The following GALNT2 variants were observed in gnomAD, a reference collection of about 807,000 sequenced individuals.
GALNT2 encodes polypeptide N-acetylgalactosaminyltransferase 2, also known as UDP-GalNAc:polypeptide N-acetylgalactosaminyltransferase 2.
In GALNT2, 31 loss-of-function variants were observed where a neutral mutation model predicts 81.4. The observed-to-expected ratio is 0.38, with a 90% confidence interval of 0.29 to 0.51. The LOEUF is 0.51. Among genes scored for constraint, GALNT2 ranks in the 20% least tolerant of loss-of-function variants. The pLI is 0.87. For synonymous variants in GALNT2, 303 were observed against 287.4 expected, an observed-to-expected ratio of 1.05 and a Z score of -0.55; for missense variants, 629 against 765.7, an observed-to-expected ratio of 0.82 and a Z score of 2.11.
intron 3 of GALNT2, among the ~76,000 whole-genome samples, chr1:230,215,279 C>T (rs770342210): frequency 6.6e-5 from 10 of 152,228 alleles, no homozygotes; most frequent in Non-Finnish European, 1.0e-4. Context: ...CTTGGCTCTG[C>T]ACCTACAAGA....
chr1:230,128,010 TGAA>T (rs1661246209), intron 1 of GALNT2, among the ~76,000 whole-genome samples: 1 of 76,212 alleles, frequency 1.3e-5, no homozygotes, highest in Non-Finnish European at 2.8e-5. Flanking sequence ...AGGCACAGAC[TGAA>T]TGGGATGATT....
intron 2 of GALNT2, among the ~76,000 whole-genome samples, chr1:230,192,724 C>T (rs1420010261): frequency 6.6e-6 from 1 of 152,134 alleles, no homozygotes; most frequent in African/African-American, 2.4e-5. Context: ...AAAACTATTT[C>T]CTCTATAACA....
chr1:230,144,175 C>T (rs1352647394), intron 1 of GALNT2, among the ~76,000 whole-genome samples: 1 of 152,136 alleles, frequency 6.6e-6, no homozygotes, highest in Non-Finnish European at 1.5e-5. Flanking sequence ...CCTTCTGGGC[C>T]ACATGTCAAA....
In GALNT2 at chr1:230,262,636, G is replaced by A. The variant is rs781173742; in HGVS notation, c.1200G>A (p.Val400=). ...ACAAAAATTTCTATTATGCAGCAGT[G>A]CCTTCTGCTAGAAACGTTCCTTATG... ...DEYKNFYYAA[V]PSARNVPYGN... Residue 400 remains valine (V), a synonymous_variant, in exon 12 of 16, where the codon GTG becomes GTA. Transcript: ENST00000366672. The A allele has an allele frequency of 1.2e-6, 2 of 1,613,718 alleles. No homozygotes were observed. The highest frequency in any genetic ancestry group is 1.7e-5 in the Admixed American group (1 of 60,006).
At chr1:230,133,455 T>C (rs1661433821) in intron 1 of GALNT2, among the ~76,000 whole-genome samples, 1 of 151,406 alleles carries the variant, frequency 6.6e-6, no homozygotes. Context: ...TTTTCTTTTT[T>C]TTTTTTTTTG....
intron 3 of GALNT2, among the ~76,000 whole-genome samples, chr1:230,232,762 A>C (rs1420606484): frequency 6.6e-6 from 1 of 152,188 alleles, no homozygotes; most frequent in African/African-American, 2.4e-5. Context: ...TTAATCTAAC[A>C]ATCTGCTAAT....
At chr1:230,132,271 A>G (rs935045984) in intron 1 of GALNT2, among the ~76,000 whole-genome samples, 5 of 152,150 alleles carry the variant, frequency 3.3e-5, no homozygotes, top group Admixed American at 2.0e-4. Flanking sequence ...CTGCCCCGAA[A>G]TAGATAGGGG....
intron 1 of GALNT2, among the ~76,000 whole-genome samples, chr1:230,155,166 C>T (rs1662209420): frequency 6.6e-6 from 1 of 152,154 alleles, no homozygotes; most frequent in Non-Finnish European, 1.5e-5. Flanking sequence ...CTCGGTTTCC[C>T]TTCTGTGTGA....
chr1:230,254,382 A>G (rs972292551), intron 10 of GALNT2, among the ~76,000 whole-genome samples: 1 of 152,310 alleles, frequency 6.6e-6, no homozygotes, highest in East Asian at 1.9e-4. Context: ...TGTTGAAGCA[A>G]GTCAACAGCA....
At chr1:230,249,375 C>A (rs1665474063) in intron 9 of GALNT2, 104 bp downstream of exon 9, 1 of 889,582 alleles carries the variant, frequency 1.1e-6, no homozygotes. Flanking sequence ...GGCTGTTCAC[C>A]TTCTGCCCTC....
At chr1:230,183,153 CTA>C (rs1445352024) in intron 2 of GALNT2, among the ~76,000 whole-genome samples, 4 of 152,236 alleles carry the variant, frequency 2.6e-5, no homozygotes, top group South Asian at 2.1e-4. Context: ...TACTTTTAAT[CTA>C]TGTGTGTTGT....
intron 1 of GALNT2, among the ~76,000 whole-genome samples, chr1:230,139,283 C>G (rs1383847759): frequency 2.6e-5 from 4 of 152,212 alleles, no homozygotes; most frequent in Non-Finnish European, 5.9e-5. Flanking sequence ...CTTGCTAAAT[C>G]TGAAGAATCC....
At chr1:230,170,572 G>A (rs1025223747) in intron 1 of GALNT2, among the ~76,000 whole-genome samples, 3 of 152,156 alleles carry the variant, frequency 2.0e-5, no homozygotes, top group Admixed American at 1.3e-4. Flanking sequence ...ATATTGGTTT[G>A]TTTTACATTG....
chr1:230,260,791 G>C (rs1325371355), intron 11 of GALNT2, among the ~76,000 whole-genome samples: 3 of 152,134 alleles, frequency 2.0e-5, no homozygotes, highest in Admixed American at 6.5e-5. Context: ...TTTTAATAGA[G>C]AGAAAGTAAA....
At chr1:230,248,121 G>A (rs565111942) in intron 8 of GALNT2, among the ~76,000 whole-genome samples, 1 of 152,152 alleles carries the variant, frequency 6.6e-6, no homozygotes, top group Non-Finnish European at 1.5e-5. Context: ...GAGCTGGGAG[G>A]CCTCTTTGTC....
At chr1:230,242,522 ATTTAT>A (rs1385604325) in intron 6 of GALNT2, among the ~76,000 whole-genome samples, 1 of 151,940 alleles carries the variant, frequency 6.6e-6, no homozygotes, top group African/African-American at 2.4e-5. Context: ...ATATACTATT[ATTTAT>A]TTTATTTTAT....
At chr1:230,131,910 A>G (rs1314066314) in intron 1 of GALNT2, among the ~76,000 whole-genome samples, 1 of 152,192 alleles carries the variant, frequency 6.6e-6, no homozygotes, top group Admixed American at 6.5e-5. Context: ...AGTGTTTCTT[A>G]TGATTAGGCA....
intron 1 of GALNT2, among the ~76,000 whole-genome samples, chr1:230,087,181 C>A (rs1659925114): frequency 6.6e-6 from 1 of 152,198 alleles, no homozygotes; most frequent in African/African-American, 2.4e-5. Context: ...CTGGCACCGC[C>A]CTTTCCAAAC....
At chr1:230,265,435 T>G in intron 14 of GALNT2, 68 bp downstream of exon 14, 5 of 1,601,074 alleles carry the variant, frequency 3.1e-6, no homozygotes, top group Non-Finnish European at 3.4e-6. Context: ...GGTCCTGATG[T>G]TAGAAGTCCC....
Sources: gnomAD v4.1 joint callset for allele counts (sites outside exome capture counted in the v4.1 genomes callset) on GRCh38, gnomAD v4.1.1 for gene constraint, MANE v1.5 for transcripts, NCBI Gene and HGNC (gene_info 2026-07-23, HGNC 2026-07-21) for gene names.